The following SAMD4B variants were observed in gnomAD, a reference collection of about 807,000 sequenced individuals.
The protein encoded by SAMD4B is protein Smaug homolog 2.
Under a neutral mutation model 74.5 loss-of-function variants are expected in SAMD4B, and 5 were observed. The observed-to-expected ratio is 0.07, with a 90% confidence interval of 0.04 to 0.14. The LOEUF is 0.14. Ranked by LOEUF, SAMD4B falls within the 10% of genes least tolerant of loss-of-function variation. The pLI, the probability that SAMD4B is intolerant of heterozygous loss-of-function variation, is 1.00. For synonymous variants in SAMD4B, 373 were observed against 374.9 expected, an observed-to-expected ratio of 1.00 and a Z score of 0.06; for missense variants, 608 against 921.8, an observed-to-expected ratio of 0.66 and a Z score of 4.41.
chr19:39,358,520 G>C (rs1203490454), intron 3 of SAMD4B, among the ~76,000 whole-genome samples: 1 of 151,444 alleles, frequency 6.6e-6, no homozygotes. Flanking sequence ...AAAGTGCTGG[G>C]ATTACAGGCA....
At chr19:39,390,231 C>T, downstream of SAMD4B, 1 of 1,613,662 alleles carries the variant, frequency 6.2e-7, no homozygotes, top group East Asian at 2.2e-5. Flanking sequence ...ACTGCCCCAC[C>T]GCTCCTGGGA....
chr19:39,358,702 A>G (rs1221903723), intron 3 of SAMD4B, among the ~76,000 whole-genome samples: 2 of 152,206 alleles, frequency 1.3e-5, no homozygotes, highest in African/African-American at 2.4e-5. Context: ...GGCTTCCTAC[A>G]TGCCTGACAT....
chr19:39,379,520 T>C (rs895391758), intron 9 of SAMD4B, among the ~76,000 whole-genome samples: 3 of 152,248 alleles, frequency 2.0e-5, no homozygotes, highest in Non-Finnish European at 2.9e-5. Flanking sequence ...TCTCTGGGCA[T>C]GGTCACCTCT....
intron 4 of SAMD4B, among the ~76,000 whole-genome samples, chr19:39,370,661 CATT>C (rs913064451): frequency 1.3e-4 from 20 of 152,144 alleles, no homozygotes; most frequent in African/African-American, 4.8e-4. Context: ...GTTCAGACAA[CATT>C]ATGGATTTTA....
In SAMD4B at chr19:39,377,774, C is replaced by T; in HGVS notation, c.1394C>T (p.Pro465Leu). 6.2e-7 allele frequency: 1 copy of T among 1,612,848 alleles called. No homozygotes were observed. The highest frequency in any genetic ancestry group is 8.5e-7 in the Non-Finnish European group (1 of 1,179,190). ...PTDGSEPAPAPVADGDIPSQF... is the reference protein window; with the variant it reads ...PTDGSEPAPALVADGDIPSQF... ...GATGGCAGTGAGCCTGCCCCGGCTCCCGTCGCCGACGGAGACATCCCCAGC... is the reference window on the plus strand; with the variant it reads ...GATGGCAGTGAGCCTGCCCCGGCTCTCGTCGCCGACGGAGACATCCCCAGC... The change falls in exon 8 of 14, where the codon CCC (proline) becomes CTC (leucine). Residue 465 changes from proline to leucine, a missense_variant. Pro to Leu is a moderately conservative substitution (Grantham distance 98). Around this residue, in one of 9 missense-constraint regions of SAMD4B, gnomAD observed 99 missense variants for 112.1 expected, o/e 0.88. Coordinates refer to ENST00000610417, the MANE Select transcript of SAMD4B (RefSeq NM_001384574.2).
At chr19:39,385,894 G>C, downstream of SAMD4B, 2 of 1,529,394 alleles carry the variant, frequency 1.3e-6, no homozygotes, top group Non-Finnish European at 8.8e-7. Flanking sequence ...TTTGGGGGTG[G>C]GGAACAAACA....
chr19:39,345,209 A>G (rs1042905545), intron 1 of SAMD4B, among the ~76,000 whole-genome samples: 1 of 152,158 alleles, frequency 6.6e-6, no homozygotes, highest in African/African-American at 2.4e-5. Flanking sequence ...AAGATGCCTC[A>G]GGGTATGCCT....
At chr19:39,381,921 C>T (rs1200406662) in intron 12 of SAMD4B, among the ~76,000 whole-genome samples, 2 of 152,122 alleles carry the variant, frequency 1.3e-5, no homozygotes, top group Non-Finnish European at 2.9e-5. Flanking sequence ...GACAGTGAGA[C>T]CCCATCTCAA....
chr19:39,351,866 CA>C (rs911142634), intron 1 of SAMD4B: 10 of 152,208 alleles, frequency 6.6e-5, no homozygotes, highest in African/African-American at 2.4e-4. Flanking sequence ...GGCTTTACCC[CA>C]TGTCCACTTC....
chr19:39,358,409 G>A (rs541506354), intron 3 of SAMD4B, among the ~76,000 whole-genome samples: 4 of 152,130 alleles, frequency 2.6e-5, no homozygotes, highest in African/African-American at 9.6e-5. Context: ...GCGCCACCAC[G>A]CCTGGCTAAT....
chr19:39,369,577 G>A (rs2145675442), intron 3 of SAMD4B, 78 bp from the exon 4 acceptor site: 2 of 1,113,964 alleles, frequency 1.8e-6, no homozygotes, highest in South Asian at 3.0e-5. Context: ...TGAGGGAATA[G>A]GCCATAGGCA....
At chr19:39,390,377 G>GAA (rs2078352886), downstream of SAMD4B, 16 of 1,288,688 alleles carry the variant, frequency 1.2e-5, no homozygotes, top group Non-Finnish European at 1.5e-5. Context: ...TCAAAAGGTA[G>GAA]GAGGGGTGAC....
chr19:39,350,797 G>C (rs1372472715), intron 1 of SAMD4B: 1 of 151,944 alleles, frequency 6.6e-6, no homozygotes, highest in Non-Finnish European at 1.5e-5. Context: ...CCTTTCTCCA[G>C]GTGGGAGTGC....
chr19:39,390,621 G>A (rs2078359654), downstream of SAMD4B, among the ~76,000 whole-genome samples: 1 of 152,130 alleles, frequency 6.6e-6, no homozygotes, highest in South Asian at 2.1e-4. Flanking sequence ...CCTTCTGGAG[G>A]GAGTCTCCAA....
In SAMD4B at chr19:39,375,531, TC is replaced by T; in HGVS notation, c.668-116del. ...TAGGCAGTTACCCTTGGACCCCAGGTCCCTTCCTCTTGGCAGGTTATGGGGC... is the reference window on the plus strand; with the variant it reads ...TAGGCAGTTACCCTTGGACCCCAGGTCCTTCCTCTTGGCAGGTTATGGGGC... On this transcript the variant is annotated intron_variant, in intron 4 of 13. Coordinates refer to ENST00000610417, the MANE Select transcript of SAMD4B (RefSeq NM_001384574.2). This position sits in a 1 kb window ranked among gnomAD's most constrained non-coding sequence, Gnocchi z 4.1. 1 of 1,314,838 alleles carries T rather than the reference TC, an allele frequency of 7.6e-7. No homozygotes were observed. The highest frequency in any genetic ancestry group is 2.1e-5 in the Admixed American group (1 of 46,864). 81.4% of individuals were successfully genotyped at this position (1,314,838 alleles called of 1,614,324 possible).
At chr19:39,354,858 T>C (rs1249226255) in intron 2 of SAMD4B, among the ~76,000 whole-genome samples, 1 of 152,156 alleles carries the variant, frequency 6.6e-6, no homozygotes, top group Non-Finnish European at 1.5e-5. Flanking sequence ...ATAAGATGTT[T>C]GGAATTTGTT....
intron 1 of SAMD4B, among the ~76,000 whole-genome samples, chr19:39,342,865 C>G (rs1167640824): frequency 6.6e-6 from 1 of 151,444 alleles, no homozygotes; most frequent in Non-Finnish European, 1.5e-5. Context: ...CTCCTCAGGA[C>G]CCCCCGCACA....
chr19:39,377,473 C>T lies in SAMD4B; in HGVS notation c.1105-12C>T, dbSNP rs369179951. On this transcript the variant is annotated splice_polypyrimidine_tract_variant and intron_variant, in intron 7 of 13. Transcript: ENST00000610417. ...GTCTGCATGTGACCCCAGCCTGTGT[C>T]CTCCCATCCAGGATGTGCTGGAAGG... The T allele has an allele frequency of 1.9e-6, 3 of 1,547,934 alleles. No homozygotes were observed. The highest frequency in any genetic ancestry group is 2.7e-5 in the African/African-American group (2 of 73,474).
At chr19:39,343,009 C>T (rs576723786) in intron 1 of SAMD4B, among the ~76,000 whole-genome samples, 1 of 152,092 alleles carries the variant, frequency 6.6e-6, no homozygotes, top group Non-Finnish European at 1.5e-5. Flanking sequence ...TCGCAGACCC[C>T]CGCCCTTTGG....
Sources: gnomAD v4.1 joint callset for allele counts (sites outside exome capture counted in the v4.1 genomes callset) on GRCh38, gnomAD v4.1.1 for gene constraint, gnomAD v4.1.1 regional missense constraint, Gnocchi (gnomAD v3.1) non-coding constraint, MANE v1.5 for transcripts, NCBI Gene and HGNC (gene_info 2026-07-23, HGNC 2026-07-21) for gene names.